CNTNAP2: variants seen among roughly 807,000 people sequenced by gnomAD.
CNTNAP2 encodes contactin associated protein 2.
CNTNAP2 carries 98 observed loss-of-function variants against 155.2 expected under a neutral mutation model. The observed-to-expected ratio is 0.63, with a 90% CI of 0.54 to 0.75. The LOEUF (loss-of-function observed/expected upper bound fraction) is 0.75, where lower values mean the gene tolerates loss of function less well. CNTNAP2 is among the 30% of genes least tolerant of loss of function. The pLI, the probability that CNTNAP2 is intolerant of heterozygous loss-of-function variation, is 0.00. For synonymous variants in CNTNAP2, 651 were observed against 631.2 expected (o/e 1.03, Z -0.47); for missense variants, 1,727 against 1,688.1 (o/e 1.02, Z -0.40).
intron 1 of CNTNAP2, among the ~76,000 whole-genome samples, chr7:146,467,323 A>G (rs75733244): frequency 3.9e-5 from 6 of 152,174 alleles, no homozygotes; most frequent in African/African-American, 1.4e-4. Flanking sequence ...AGTCGTTGAC[A>G]TGACTGATTT....
chr7:147,299,388 A>G (rs1794899706), intron 8 of CNTNAP2, among the ~76,000 whole-genome samples: 1 of 152,020 alleles, frequency 6.6e-6, no homozygotes, highest in Non-Finnish European at 1.5e-5. Context: ...TCAAGCAACA[A>G]TGAAGTGCCA....
chr7:146,607,324 A>G (rs1012675949), intron 1 of CNTNAP2, among the ~76,000 whole-genome samples: 1 of 152,104 alleles, frequency 6.6e-6, no homozygotes, highest in Non-Finnish European at 1.5e-5. Context: ...TCCAATGATC[A>G]CACTTCTGCT....
intron 11 of CNTNAP2, among the ~76,000 whole-genome samples, chr7:147,542,011 G>T (rs991888516): frequency 6.6e-6 from 1 of 152,108 alleles, no homozygotes; most frequent in Non-Finnish European, 1.5e-5. Context: ...AGGTAGTTCA[G>T]GTCCATATGT....
chr7:147,558,501 CT>C (rs1179258539), intron 11 of CNTNAP2, among the ~76,000 whole-genome samples: 1 of 152,128 alleles, frequency 6.6e-6, no homozygotes, highest in Non-Finnish European at 1.5e-5. Flanking sequence ...GAGTCCAAGT[CT>C]TTGGGGTGAA....
chr7:146,873,588 T>C (rs1795359613), intron 3 of CNTNAP2, among the ~76,000 whole-genome samples: 1 of 151,992 alleles, frequency 6.6e-6, no homozygotes, highest in Non-Finnish European at 1.5e-5. Flanking sequence ...GCTCCTAGAG[T>C]ATTTGAATTA....
intron 21 of CNTNAP2, among the ~76,000 whole-genome samples, chr7:148,372,114 A>T (rs988306894): frequency 1.3e-5 from 2 of 152,090 alleles, no homozygotes; most frequent in African/African-American, 4.8e-5. Flanking sequence ...AGGCAGGAGC[A>T]TCGCGTGAAC....
intron 3 of CNTNAP2, among the ~76,000 whole-genome samples, chr7:147,010,540 G>A (rs1156703832): frequency 6.6e-6 from 1 of 152,110 alleles, no homozygotes; most frequent in Non-Finnish European, 1.5e-5. Context: ...GAAGTACATA[G>A]CAGTGAGTTT....
chr7:146,931,389 G>A (rs1235346360), intron 3 of CNTNAP2, among the ~76,000 whole-genome samples: 6 of 148,698 alleles, frequency 4.0e-5, no homozygotes, highest in East Asian at 3.9e-4. Flanking sequence ...TGAAACCAAC[G>A]AGAACAAAGA....
intron 21 of CNTNAP2, among the ~76,000 whole-genome samples, chr7:148,301,233 G>A (rs1181336942): frequency 6.7e-6 from 1 of 149,930 alleles, no homozygotes; most frequent in African/African-American, 2.5e-5. Context: ...TGCGGAGGTT[G>A]TAGTTAGCCA....
At chr7:146,813,814 G>A (rs1203950377) in intron 2 of CNTNAP2, among the ~76,000 whole-genome samples, 1 of 152,154 alleles carries the variant, frequency 6.6e-6, no homozygotes, top group Non-Finnish European at 1.5e-5. Context: ...TGTCATGGGA[G>A]AGACCCGGTG....
chr7:146,438,548 T>G (rs1796275908), intron 1 of CNTNAP2, among the ~76,000 whole-genome samples: 1 of 151,458 alleles, frequency 6.6e-6, no homozygotes, highest in South Asian at 2.1e-4. Context: ...TTTCTTTTAT[T>G]AGTTTGCATT....
intron 2 of CNTNAP2, among the ~76,000 whole-genome samples, chr7:146,836,947 T>C (rs1803629803): frequency 6.6e-6 from 1 of 152,142 alleles, no homozygotes; most frequent in Non-Finnish European, 1.5e-5. Context: ...TTCATTGTCA[T>C]TTGGCTTGCA....
At chr7:148,254,946 C>A (rs1042970106) in intron 20 of CNTNAP2, among the ~76,000 whole-genome samples, 1 of 151,950 alleles carries the variant, frequency 6.6e-6, no homozygotes, top group Non-Finnish European at 1.5e-5. Flanking sequence ...TCTAAGTTAT[C>A]AAAATGTGTT....
intron 1 of CNTNAP2, among the ~76,000 whole-genome samples, chr7:146,118,549 A>T (rs938527099): frequency 6.6e-6 from 1 of 151,934 alleles, no homozygotes; most frequent in African/African-American, 2.4e-5. Context: ...TATTAAATTT[A>T]TTATATTCAC....
At chr7:147,123,151 G>A (rs377313281) in intron 6 of CNTNAP2, among the ~76,000 whole-genome samples, 6 of 152,056 alleles carry the variant, frequency 3.9e-5, no homozygotes, top group South Asian at 2.1e-4. Context: ...CAAACTGATT[G>A]TTAAAAGAAA....
At chr7:147,657,387 G>A (rs1563041403) in intron 13 of CNTNAP2, among the ~76,000 whole-genome samples, 2 of 152,180 alleles carry the variant, frequency 1.3e-5, no homozygotes, top group Non-Finnish European at 2.9e-5. Flanking sequence ...TTCAATGGGA[G>A]GGGTTGGCTT....
intron 3 of CNTNAP2, among the ~76,000 whole-genome samples, chr7:147,043,519 T>C (rs1799298719): frequency 1.3e-5 from 2 of 152,224 alleles, no homozygotes; most frequent in African/African-American, 4.8e-5. Context: ...CTAATGGTTT[T>C]ATGGGAGAAA....
chr7:148,108,684 A>G (rs1428552818), intron 15 of CNTNAP2, among the ~76,000 whole-genome samples: 1 of 150,936 alleles, frequency 6.6e-6, no homozygotes, highest in Non-Finnish European at 1.5e-5. Context: ...TGGTGGGTAC[A>G]GAGGCTGGAA....
At chr7:147,860,589 C>CAAAAAAAAAA (rs11342244) in intron 13 of CNTNAP2, among the ~76,000 whole-genome samples, 2 of 124,440 alleles carry the variant, frequency 1.6e-5, no homozygotes, top group African/African-American at 6.0e-5. Context: ...GACTCTGTCT[C>CAAAAAAAAAA]AAAAAAAAAA....
Sources: gnomAD v4.1 joint callset for allele counts (sites outside exome capture counted in the v4.1 genomes callset) on GRCh38, gnomAD v4.1.1 for gene constraint, MANE v1.5 for transcripts, NCBI Gene and HGNC (gene_info 2026-07-23, HGNC 2026-07-21) for gene names.